Variants in CSMD1 observed in about 807,000 individuals in gnomAD.
The protein encoded by CSMD1 is CUB and Sushi multiple domains 1.
CSMD1 carries 213 observed loss-of-function variants against 417.5 expected under a neutral mutation model. That is an observed-to-expected ratio of 0.51 (90% confidence interval 0.46 to 0.57). The LOEUF (loss-of-function observed/expected upper bound fraction) is 0.57, where lower values mean the gene tolerates loss of function less well. Among genes scored for constraint, CSMD1 ranks in the 20% least tolerant of loss-of-function variants. The probability of loss-of-function intolerance (pLI) is 0.00; values close to 1 mark genes in which losing one functional copy is unlikely to be tolerated. For synonymous variants in CSMD1, 2,862 were observed against 1,736.8 expected (o/e 1.65, Z -16.11); for missense variants, 6,923 against 4,529.7 (o/e 1.53, Z -15.17).
At chr8:3,243,729 T>C (rs1185058430) in intron 26 of CSMD1, among the ~76,000 whole-genome samples, 1 of 151,526 alleles carries the variant, frequency 6.6e-6, no homozygotes, top group Non-Finnish European at 1.5e-5. Flanking sequence ...TAATTATTTA[T>C]GAAAATTACA....
chr8:2,941,881 G>T (rs754490919), intron 69 of CSMD1, among the ~76,000 whole-genome samples: 6 of 152,138 alleles, frequency 3.9e-5, no homozygotes, highest in Non-Finnish European at 7.4e-5. Context: ...CCTTCTAAAG[G>T]TTCTCATCGT....
intron 2 of CSMD1, among the ~76,000 whole-genome samples, chr8:4,599,050 A>C (rs1415578781): frequency 2.0e-5 from 3 of 152,254 alleles, no homozygotes; most frequent in Non-Finnish European, 4.4e-5. Context: ...ATTTCTAAAG[A>C]ATCCACGTAA....
At chr8:4,246,363 A>T (rs539046014) in intron 3 of CSMD1, among the ~76,000 whole-genome samples, 1 of 152,240 alleles carries the variant, frequency 6.6e-6, no homozygotes, top group African/African-American at 2.4e-5. Context: ...AGTCCTTAGA[A>T]GAGTAGTTCT....
chr8:4,234,744 T>C (rs1401695473), intron 3 of CSMD1, among the ~76,000 whole-genome samples: 1 of 151,798 alleles, frequency 6.6e-6, no homozygotes, highest in Non-Finnish European at 1.5e-5. Flanking sequence ...AAAACTGGAG[T>C]CGTGGCTGCT....
chr8:3,874,837 G>C (rs13258665), intron 5 of CSMD1, among the ~76,000 whole-genome samples: 1 of 152,026 alleles, frequency 6.6e-6, no homozygotes, highest in Non-Finnish European at 1.5e-5. Context: ...CAATTTCGGA[G>C]GATGAATAAA....
chr8:3,186,153 G>C (rs1396737282), intron 36 of CSMD1, among the ~76,000 whole-genome samples: 1 of 151,964 alleles, frequency 6.6e-6, no homozygotes, highest in Non-Finnish European at 1.5e-5. Context: ...CATCTGTGTA[G>C]ATTTTAACTT....
intron 1 of CSMD1, among the ~76,000 whole-genome samples, chr8:4,950,507 C>T (rs1808670534): frequency 6.6e-6 from 1 of 152,274 alleles, no homozygotes; most frequent in Middle Eastern, 3.4e-3. Context: ...ATCTATTAAA[C>T]ATACACTACT....
intron 1 of CSMD1, among the ~76,000 whole-genome samples, chr8:4,655,344 G>A (rs992748912): frequency 6.6e-6 from 1 of 152,020 alleles, no homozygotes; most frequent in Non-Finnish European, 1.5e-5. Context: ...CAATCGACCT[G>A]CTGAAGGTTT....
chr8:3,889,894 C>T (rs1361456187), intron 5 of CSMD1, among the ~76,000 whole-genome samples: 1 of 152,062 alleles, frequency 6.6e-6, no homozygotes, highest in Non-Finnish European at 1.5e-5. Context: ...ATCAAAATTA[C>T]TTTCTGAGTT....
chr8:4,086,313 G>A (rs1378986129), intron 3 of CSMD1, among the ~76,000 whole-genome samples: 1 of 152,182 alleles, frequency 6.6e-6, no homozygotes, highest in African/African-American at 2.4e-5. Context: ...TCAGACAGAA[G>A]TTCCAAAGCC....
chr8:4,913,376 T>G (rs1037293173), intron 1 of CSMD1, among the ~76,000 whole-genome samples: 1 of 152,206 alleles, frequency 6.6e-6, no homozygotes. Flanking sequence ...CGGGGGACCA[T>G]TGCTTTTTCT....
At chr8:3,988,419 G>C (rs1814495967) in intron 5 of CSMD1, among the ~76,000 whole-genome samples, 1 of 152,194 alleles carries the variant, frequency 6.6e-6, no homozygotes, top group Non-Finnish European at 1.5e-5. Flanking sequence ...TTTTAGGTCT[G>C]TGTTTGTCAA....
intron 1 of CSMD1, among the ~76,000 whole-genome samples, chr8:4,703,991 A>G (rs991840919): frequency 3.9e-5 from 6 of 152,182 alleles, no homozygotes; most frequent in African/African-American, 1.4e-4. Flanking sequence ...GTTTCATGCT[A>G]TGAGAATCTA....
Position 4,444,346 on chromosome 8 carries a change from C to CAAAAAAAAAAAAAAAAAA in CSMD1, c.303-24299_303-24282dup, listed in dbSNP as rs112028005. 7.8e-4 allele frequency among the ~76,000 whole-genome samples: 36 copies of CAAAAAAAAAAAAAAAAAA among 46,274 alleles called. 7 individuals are homozygous for CAAAAAAAAAAAAAAAAAA. Among genetic ancestry groups the CAAAAAAAAAAAAAAAAAA allele is most frequent in the African/African-American group, 1.7e-3 (24 of 14,102 alleles). 30.4% of individuals were successfully genotyped at this position (46,274 alleles called of 152,430 possible). On this transcript the variant is annotated intron_variant, in intron 2 of 69. Transcript: ENST00000635120. ...TGGGCTACAGAGTGAGACTCCATCT[C>CAAAAAAAAAAAAAAAAAA]AAAAAAAAAAAAAAAAAAAAAAAAA...
chr8:4,158,190 C>T (rs1466078436), intron 3 of CSMD1, among the ~76,000 whole-genome samples: 1 of 151,604 alleles, frequency 6.6e-6, no homozygotes, highest in Non-Finnish European at 1.5e-5. Flanking sequence ...CTCTCCTTTC[C>T]TAAGCCCAGA....
chr8:4,579,267 A>G (rs1799294324), intron 2 of CSMD1, among the ~76,000 whole-genome samples: 1 of 146,838 alleles, frequency 6.8e-6, no homozygotes, highest in Non-Finnish European at 1.5e-5. Flanking sequence ...ACATATATAT[A>G]CATATATATA....
intron 5 of CSMD1, among the ~76,000 whole-genome samples, chr8:3,902,374 T>C (rs894254000): frequency 5.3e-5 from 8 of 152,162 alleles, no homozygotes; most frequent in Non-Finnish European, 7.4e-5. Flanking sequence ...AAACATGTGA[T>C]CTGAGGCAAA....
intron 3 of CSMD1, among the ~76,000 whole-genome samples, chr8:4,125,494 G>A (rs538543045): frequency 2.0e-5 from 3 of 152,182 alleles, no homozygotes; most frequent in South Asian, 4.1e-4. Context: ...CGGCCGCACT[G>A]GGTACACGTC....
At chr8:4,256,319 A>C (rs1320962024) in intron 3 of CSMD1, among the ~76,000 whole-genome samples, 2 of 152,210 alleles carry the variant, frequency 1.3e-5, no homozygotes, top group Admixed American at 6.5e-5. Context: ...ATTTTGCAGA[A>C]AGACCAGCTC....
Sources: gnomAD v4.1 joint callset for allele counts (sites outside exome capture counted in the v4.1 genomes callset) on GRCh38, gnomAD v4.1.1 for gene constraint, MANE v1.5 for transcripts, NCBI Gene and HGNC (gene_info 2026-07-23, HGNC 2026-07-21) for gene names.